Variants in DNM3 observed in about 807,000 individuals in gnomAD.
DNM3 encodes dynamin 3.
In DNM3, 47 loss-of-function variants were observed where a neutral mutation model predicts 101.6. That is an observed-to-expected ratio of 0.46 (90% CI 0.37 to 0.59). The LOEUF is 0.59. Ranked by LOEUF, DNM3 falls within the 20% of genes least tolerant of loss-of-function variation. The pLI, the probability that DNM3 is intolerant of heterozygous loss-of-function variation, is 0.00. For synonymous variants in DNM3, 385 were observed against 387.9 expected (o/e 0.99, Z 0.09); for missense variants, 849 against 1,085.7 (o/e 0.78, Z 3.06).
intron 14 of DNM3, among the ~76,000 whole-genome samples, chr1:172,241,768 A>G (rs1196507780): frequency 2.0e-5 from 3 of 152,028 alleles, no homozygotes; most frequent in African/African-American, 7.2e-5. Flanking sequence ...GGCCAACAAA[A>G]CAGGTGCCAC....
At chr1:172,176,224 G>A (rs187785025) in intron 14 of DNM3, among the ~76,000 whole-genome samples, 1 of 151,922 alleles carries the variant, frequency 6.6e-6, no homozygotes, top group East Asian at 1.9e-4. Context: ...GGAAGCAGAA[G>A]TCAGAGAGGA....
chr1:172,239,360 G>C (rs753731490), intron 14 of DNM3, among the ~76,000 whole-genome samples: 86 of 152,138 alleles, frequency 5.7e-4, no homozygotes, highest in Non-Finnish European at 1.0e-3. Flanking sequence ...AAGATGGCTA[G>C]AAAATTTTTT....
chr1:172,113,485 T>C (rs959155274), intron 13 of DNM3, among the ~76,000 whole-genome samples: 1 of 152,012 alleles, frequency 6.6e-6, no homozygotes, highest in Non-Finnish European at 1.5e-5. Flanking sequence ...TCGGGCCTGG[T>C]GGCGGGTGCC....
At chr1:171,957,649 A>T (rs1293025456) in intron 2 of DNM3, among the ~76,000 whole-genome samples, 1 of 152,144 alleles carries the variant, frequency 6.6e-6, no homozygotes, top group Non-Finnish European at 1.5e-5. Flanking sequence ...GGTACCCTAA[A>T]TCATCTCTCT....
chr1:171,946,507 TA>T (rs1393936164), intron 2 of DNM3, among the ~76,000 whole-genome samples: 2 of 152,156 alleles, frequency 1.3e-5, no homozygotes, highest in Admixed American at 6.5e-5. Flanking sequence ...GGAGTTGTGC[TA>T]AGCTAATGCT....
At chr1:172,033,993 T>C (rs1032680056) in intron 6 of DNM3, among the ~76,000 whole-genome samples, 40 of 152,132 alleles carry the variant, frequency 2.6e-4, no homozygotes, top group African/African-American at 9.4e-4. Context: ...CAGCAGCCTT[T>C]CTCACAAATA....
chr1:172,173,861 C>G (rs190831958), intron 14 of DNM3, among the ~76,000 whole-genome samples: 1 of 151,618 alleles, frequency 6.6e-6, no homozygotes. Context: ...TCATCCCTAA[C>G]TGGAGATCTC....
chr1:172,021,093 C>T, intron 4 of DNM3, among the ~76,000 whole-genome samples: 1 of 152,318 alleles, frequency 6.6e-6, no homozygotes, highest in East Asian at 1.9e-4. Context: ...TCAGTTTGTT[C>T]AGATTTTTAC....
intron 4 of DNM3, among the ~76,000 whole-genome samples, chr1:172,028,159 T>C (rs1172102228): frequency 6.6e-6 from 1 of 152,130 alleles, no homozygotes; most frequent in Non-Finnish European, 1.5e-5. Context: ...ATTGACCACA[T>C]AATTGGAAGT....
rs189185638 is a variant in DNM3, at chr1:172,302,736, A to C, written c.1770-5992A>C. On this transcript the variant is annotated intron_variant, in intron 15 of 20. Transcript: ENST00000627582. Reference sequence around the variant, plus strand: ...TCCGCCGGGTGATACCAAGGCAAACAGGGTCTGGAGTGGACCTCCAGCAAA... The same window carrying C: ...TCCGCCGGGTGATACCAAGGCAAACCGGGTCTGGAGTGGACCTCCAGCAAA... 4.9e-3 allele frequency among the ~76,000 whole-genome samples: 744 copies of C among 152,302 alleles called. 6 individuals are homozygous for C. Among genetic ancestry groups the C allele is most frequent in the African/African-American group, 0.016 (678 of 41,574 alleles).
At chr1:172,067,040 T>G (rs1462792057) in intron 10 of DNM3, among the ~76,000 whole-genome samples, 6 of 152,008 alleles carry the variant, frequency 3.9e-5, no homozygotes, top group Admixed American at 1.3e-4. Flanking sequence ...CCAGAAAGAT[T>G]TCTCTTCTTG....
intron 14 of DNM3, among the ~76,000 whole-genome samples, chr1:172,244,708 G>A (rs2061883797): frequency 2.0e-5 from 3 of 152,100 alleles, no homozygotes; most frequent in African/African-American, 7.2e-5. Context: ...GGAAACAACA[G>A]GTGCTGGAGA....
chr1:172,158,589 G>C (rs1187531138), intron 14 of DNM3, among the ~76,000 whole-genome samples: 1 of 151,868 alleles, frequency 6.6e-6, no homozygotes, highest in Non-Finnish European at 1.5e-5. Context: ...CCTAGGCAGA[G>C]GACTTTTGGT....
intron 2 of DNM3, among the ~76,000 whole-genome samples, chr1:171,924,267 T>A (rs1214371867): frequency 6.6e-6 from 1 of 152,208 alleles, no homozygotes; most frequent in Non-Finnish European, 1.5e-5. Flanking sequence ...CTGTTTTCCA[T>A]AGGGGTTAAA....
At chr1:172,161,692 G>A (rs951275784) in intron 14 of DNM3, among the ~76,000 whole-genome samples, 6 of 151,898 alleles carry the variant, frequency 4.0e-5, no homozygotes, top group African/African-American at 1.4e-4. Context: ...GTTTTGACTT[G>A]GACAGAAGGT....
At position 172,379,312 on chromosome 1, in the gene DNM3, C is replaced by T. The variant is rs1287415588; in HGVS notation, c.2058+130C>T. On this transcript the variant is annotated intron_variant, in intron 18 of 20. Coordinates refer to ENST00000627582, the MANE Select transcript of DNM3 (RefSeq NM_015569.5). ...AATATTACCCAGGTTCATCATTTTCCATTAGACGTGATATGTGACTGACCA... is the reference window on the plus strand; with the variant it reads ...AATATTACCCAGGTTCATCATTTTCTATTAGACGTGATATGTGACTGACCA... 9 of 861,366 alleles carry T rather than the reference C, an allele frequency of 1.0e-5. No homozygotes were observed. The Admixed American group carries it at 2.8e-4, about 26-fold the overall frequency. 53.4% of individuals were successfully genotyped at this position (861,366 alleles called of 1,614,324 possible).
intron 2 of DNM3, among the ~76,000 whole-genome samples, chr1:171,948,209 C>T (rs1439575792): frequency 2.0e-5 from 3 of 152,122 alleles, no homozygotes; most frequent in Admixed American, 6.6e-5. Flanking sequence ...AGCAAAATAA[C>T]ATTTGAAAGC....
At chr1:171,986,229 C>G (rs1330866113) in intron 2 of DNM3, among the ~76,000 whole-genome samples, 2 of 152,096 alleles carry the variant, frequency 1.3e-5, no homozygotes, top group Admixed American at 6.5e-5. Context: ...TTGGGTACCA[C>G]AGCTTAAAAT....
chr1:172,112,432 T>C (rs2055553647), intron 13 of DNM3, among the ~76,000 whole-genome samples: 1 of 152,182 alleles, frequency 6.6e-6, no homozygotes, highest in Non-Finnish European at 1.5e-5. Flanking sequence ...ACGTGACTAA[T>C]ATGGTGGAGC....
Sources: gnomAD v4.1 joint callset for allele counts (sites outside exome capture counted in the v4.1 genomes callset) on GRCh38, gnomAD v4.1.1 for gene constraint, MANE v1.5 for transcripts, NCBI Gene and HGNC (gene_info 2026-07-23, HGNC 2026-07-21) for gene names.